HS3ST4: variants seen among roughly 807,000 people sequenced by gnomAD.
HS3ST4 encodes the protein heparan sulfate glucosamine 3-O-sulfotransferase 4.
A neutral mutation model predicts 29.2 loss-of-function variants in HS3ST4; 17 were observed. That is an observed-to-expected ratio of 0.58 (90% CI 0.40 to 0.87). The LOEUF is 0.87. HS3ST4 is among the 40% of genes least tolerant of loss of function. The probability of loss-of-function intolerance (pLI) is 0.00; values close to 1 mark genes in which losing one functional copy is unlikely to be tolerated. For synonymous variants in HS3ST4, 314 were observed against 285.7 expected, an observed-to-expected ratio of 1.10 and a Z score of -1.00; for missense variants, 627 against 634.5, an observed-to-expected ratio of 0.99 and a Z score of 0.13.
chr16:25,765,435 G>A (rs934672995), intron 1 of HS3ST4, among the ~76,000 whole-genome samples: 5 of 152,156 alleles, frequency 3.3e-5, no homozygotes, highest in African/African-American at 1.2e-4. Context: ...ATTCAGAATG[G>A]GTTTAGAGCT....
intron 1 of HS3ST4, among the ~76,000 whole-genome samples, chr16:25,722,057 G>A (rs1457972246): frequency 2.6e-5 from 4 of 152,166 alleles, no homozygotes; most frequent in Non-Finnish European, 5.9e-5. Flanking sequence ...TGTTGTCAGT[G>A]TTCTGTTTTG....
intron 1 of HS3ST4, among the ~76,000 whole-genome samples, chr16:25,914,124 A>G (rs555948276): frequency 7.1e-6 from 1 of 140,404 alleles, no homozygotes; most frequent in East Asian, 2.2e-4. Context: ...GAGAGGGTAT[A>G]TGTGTGTGGT....
intron 1 of HS3ST4, among the ~76,000 whole-genome samples, chr16:25,838,701 G>C (rs1011123315): frequency 4.6e-5 from 7 of 152,088 alleles, no homozygotes; most frequent in African/African-American, 1.7e-4. Context: ...CTATAACTGG[G>C]TTTGCGTCCT....
At chr16:25,990,632 C>T (rs531769106) in intron 1 of HS3ST4, among the ~76,000 whole-genome samples, 4 of 152,316 alleles carry the variant, frequency 2.6e-5, no homozygotes, top group African/African-American at 7.2e-5. Context: ...TTAATCTTCA[C>T]TGTAACCCAT....
chr16:25,761,882 C>T (rs1271589620), intron 1 of HS3ST4, among the ~76,000 whole-genome samples: 3 of 152,184 alleles, frequency 2.0e-5, no homozygotes, highest in South Asian at 2.1e-4. Context: ...TTACCTTTCT[C>T]GTTTTACAAC....
Position 25,692,628 on chromosome 16 carries a change from G to T in HS3ST4, c.211G>T (p.Ala71Ser). 7.3e-7 allele frequency: 1 copy of T among 1,367,336 alleles called. No homozygotes were observed. The highest frequency in any genetic ancestry group is 1.5e-5 in the South Asian group (1 of 64,744). 84.7% of individuals were successfully genotyped at this position (1,367,336 alleles called of 1,614,324 possible). Residue 71 changes from alanine (A) to serine (S), a missense_variant, in exon 1 of 2, where the codon GCC (alanine) becomes TCC (serine). Transcript: ENST00000331351. ...FPLALQESPGAAAEPPPSPPP... is the reference protein window; with the variant it reads ...FPLALQESPGSAAEPPPSPPP... Reference sequence around the variant, plus strand: ...TCTGGCGCTGCAGGAGTCGCCGGGCGCCGCCGCCGAGCCCCCGCCGAGCCC... The same window carrying T: ...TCTGGCGCTGCAGGAGTCGCCGGGCTCCGCCGCCGAGCCCCCGCCGAGCCC...
chr16:25,788,544 C>T (rs55821312), intron 1 of HS3ST4, among the ~76,000 whole-genome samples: 57,912 of 123,438 alleles, frequency 0.47, 14,586 homozygotes, highest in Non-Finnish European at 0.53. Context: ...TTTCTTCTTT[C>T]TTTTTTTTTT....
intron 1 of HS3ST4, among the ~76,000 whole-genome samples, chr16:25,890,465 C>T (rs1035859017): frequency 2.6e-5 from 4 of 152,180 alleles, no homozygotes; most frequent in Non-Finnish European, 4.4e-5. Context: ...ACACCTACTA[C>T]ATTAGCTCAT....
intron 1 of HS3ST4, among the ~76,000 whole-genome samples, chr16:25,775,231 GA>G (rs1966846516): frequency 6.6e-6 from 1 of 152,160 alleles, no homozygotes; most frequent in Non-Finnish European, 1.5e-5. Flanking sequence ...CATCAATACT[GA>G]GGATTCTAGA....
At chr16:26,020,818 G>A (rs1328941407) in intron 1 of HS3ST4, among the ~76,000 whole-genome samples, 1 of 152,108 alleles carries the variant, frequency 6.6e-6, no homozygotes, top group Non-Finnish European at 1.5e-5. Flanking sequence ...TGAGAAGCCC[G>A]GGCTGAGAAC....
intron 1 of HS3ST4, among the ~76,000 whole-genome samples, chr16:26,005,772 G>C (rs1456863288): frequency 6.6e-6 from 1 of 151,610 alleles, no homozygotes; most frequent in African/African-American, 2.4e-5. Flanking sequence ...ATCAGAGCTT[G>C]AGAGACCACT....
chr16:26,111,883 G>C (rs1238406906), intron 1 of HS3ST4, among the ~76,000 whole-genome samples: 1 of 151,986 alleles, frequency 6.6e-6, no homozygotes, highest in East Asian at 1.9e-4. Context: ...CAGGCATGAT[G>C]ATGGGCGCCT....
chr16:25,843,511 T>C (rs55633956), intron 1 of HS3ST4, among the ~76,000 whole-genome samples: 49,413 of 152,052 alleles, frequency 0.32, 9,045 homozygotes, highest in Non-Finnish European at 0.4. Flanking sequence ...ATAAATCCCA[T>C]GGCCAGTCCA....
chr16:25,792,645 G>A (rs1478768063), intron 1 of HS3ST4, among the ~76,000 whole-genome samples: 2 of 151,598 alleles, frequency 1.3e-5, no homozygotes, highest in African/African-American at 2.4e-5. Context: ...TAATGTTATC[G>A]CTCCTCTGAT....
chr16:25,781,920 A>G lies in HS3ST4; in HGVS notation c.734+88769A>G, dbSNP rs139257152. Among the ~76,000 whole-genome samples, 884 of 152,294 alleles carry G rather than the reference A, an allele frequency of 5.8e-3. 8 individuals are homozygous for G. Among genetic ancestry groups the G allele is most frequent in the African/African-American group, 0.02 (847 of 41,562 alleles). On this transcript the variant is annotated intron_variant, in intron 1 of 1. Transcript: ENST00000331351. Reference sequence around the variant, plus strand: ...ACTCCAAAAAACCTTACTGTACAGAAAAACAAAAACAAACTCAGTATATTA... The same window carrying G: ...ACTCCAAAAAACCTTACTGTACAGAGAAACAAAAACAAACTCAGTATATTA...
chr16:25,976,985 C>T (rs143416318), intron 1 of HS3ST4, among the ~76,000 whole-genome samples: 22 of 152,188 alleles, frequency 1.4e-4, no homozygotes, highest in African/African-American at 5.1e-4. Context: ...AATGTAAAAA[C>T]CACCCTGAGT....
intron 1 of HS3ST4, among the ~76,000 whole-genome samples, chr16:26,131,392 C>T (rs1324254471): frequency 6.6e-6 from 1 of 152,220 alleles, no homozygotes; most frequent in Non-Finnish European, 1.5e-5. Context: ...ATAAGGCCCT[C>T]CATAGTCTAT....
At chr16:25,885,005 TAGG>T (rs1421468596) in intron 1 of HS3ST4, among the ~76,000 whole-genome samples, 3 of 152,272 alleles carry the variant, frequency 2.0e-5, no homozygotes, top group East Asian at 1.9e-4. Context: ...TCAGGAAGGT[TAGG>T]AGGAGAAGAG....
intron 1 of HS3ST4, among the ~76,000 whole-genome samples, chr16:25,709,352 G>T (rs1312136655): frequency 6.6e-6 from 1 of 152,200 alleles, no homozygotes; most frequent in African/African-American, 2.4e-5. Context: ...TCTGTTGCCA[G>T]CGGGGTGTGA....
Sources: gnomAD v4.1 joint callset for allele counts (sites outside exome capture counted in the v4.1 genomes callset) on GRCh38, gnomAD v4.1.1 for gene constraint, MANE v1.5 for transcripts, NCBI Gene and HGNC (gene_info 2026-07-23, HGNC 2026-07-21) for gene names.